Variants in TFAP2D observed in about 807,000 individuals in gnomAD.
The protein encoded by TFAP2D is transcription factor AP-2-delta.
In TFAP2D, 9 loss-of-function variants were observed where a neutral mutation model predicts 43.6. The observed-to-expected ratio is 0.21, with a 90% CI of 0.12 to 0.36. TFAP2D has a LOEUF of 0.36. Among genes scored for constraint, TFAP2D ranks in the 10% least tolerant of loss-of-function variants. TFAP2D has a pLI of 1.00. For missense variants in TFAP2D, 513 were observed against 561.4 expected, an observed-to-expected ratio of 0.91 and a Z score of 0.87; for synonymous variants, 256 against 224.9, an observed-to-expected ratio of 1.14 and a Z score of -1.24.
In TFAP2D at chr6:50,715,419, A is replaced by T; in HGVS notation, c.343A>T (p.Asn115Tyr). The T allele has an allele frequency of 1.2e-6, 2 of 1,614,076 alleles. No individual in the cohort carries two copies. The highest frequency in any genetic ancestry group is 1.7e-6 in the Non-Finnish European group (2 of 1,180,022). The change falls in exon 2 of 8, where the codon AAC becomes TAC. Residue 115 changes from asparagine (N) to tyrosine (Y), a missense_variant. Transcript: ENST00000008391. ...IHHGEPTDFINLHNARALKSS... is the reference protein window; with the variant it reads ...IHHGEPTDFIYLHNARALKSS... The stretch of plus-strand genomic sequence containing the variant: ...CCACGGGGAGCCCACCGACTTTATT[A>T]ACCTGCACAATGCGCGGGCGCTCAA...
chr6:50,730,623 A>C (rs1768873277), intron 5 of TFAP2D, among the ~76,000 whole-genome samples: 1 of 152,136 alleles, frequency 6.6e-6, no homozygotes, highest in African/African-American at 2.4e-5. Flanking sequence ...ATAACAAAAC[A>C]GTTGCTCAGG....
intron 7 of TFAP2D, among the ~76,000 whole-genome samples, chr6:50,764,081 T>C (rs1769407384): frequency 6.6e-6 from 1 of 152,178 alleles, no homozygotes; most frequent in Admixed American, 6.5e-5. Context: ...TAAAATCTTT[T>C]TTCCTCCTGC....
chr6:50,733,939 G>A (rs1283261149), intron 5 of TFAP2D, among the ~76,000 whole-genome samples: 1 of 151,642 alleles, frequency 6.6e-6, no homozygotes, highest in East Asian at 1.9e-4. Flanking sequence ...GCTGAAATTT[G>A]TTATGATAGA....
intron 7 of TFAP2D, among the ~76,000 whole-genome samples, chr6:50,763,056 A>G (rs1327833021): frequency 6.6e-6 from 1 of 151,950 alleles, no homozygotes; most frequent in Non-Finnish European, 1.5e-5. Context: ...TTGCGACACT[A>G]ATTTGCTTTT....
intron 5 of TFAP2D, among the ~76,000 whole-genome samples, chr6:50,734,226 C>T (rs1176117314): frequency 1.3e-5 from 2 of 151,940 alleles, no homozygotes; most frequent in African/African-American, 4.8e-5. Flanking sequence ...GTGCCACTTG[C>T]AAAATCTATT....
intron 5 of TFAP2D, among the ~76,000 whole-genome samples, chr6:50,738,916 C>T (rs966860944): frequency 1.3e-5 from 2 of 152,076 alleles, no homozygotes; most frequent in Non-Finnish European, 2.9e-5. Context: ...TCATAGAATC[C>T]TTACATTTTT....
At chr6:50,755,228 C>A (rs1255249098) in intron 7 of TFAP2D, among the ~76,000 whole-genome samples, 1 of 151,778 alleles carries the variant, frequency 6.6e-6, no homozygotes, top group Non-Finnish European at 1.5e-5. Context: ...CCAATTGAAA[C>A]CCAAAGTGAA....
At chr6:50,745,614 G>T (rs1194163214) in intron 6 of TFAP2D, among the ~76,000 whole-genome samples, 1 of 152,120 alleles carries the variant, frequency 6.6e-6, no homozygotes, top group African/African-American at 2.4e-5. Flanking sequence ...ATAAATGAGG[G>T]TAAAATCTCA....
intron 7 of TFAP2D, among the ~76,000 whole-genome samples, chr6:50,769,350 C>T (rs1769492098): frequency 6.6e-6 from 1 of 152,164 alleles, no homozygotes; most frequent in Admixed American, 6.5e-5. Flanking sequence ...AAATAACTTC[C>T]TCCAAATCAC....
At chr6:50,757,517 AATACAT>A (rs1769293991) in intron 7 of TFAP2D, among the ~76,000 whole-genome samples, 4 of 82,410 alleles carry the variant, frequency 4.9e-5, no homozygotes, top group African/African-American at 1.8e-4. Context: ...CTATATATAG[AATACAT>A]ATAATTATTC....
intron 6 of TFAP2D, among the ~76,000 whole-genome samples, chr6:50,749,108 T>C (rs906879413): frequency 1.3e-5 from 2 of 151,776 alleles, no homozygotes; most frequent in African/African-American, 4.8e-5. Context: ...TACAGGATTG[T>C]CATCTGTTTT....
At chr6:50,714,144 G>A (rs759665099) in intron 1 of TFAP2D, 50 bp downstream of exon 1, 2 of 1,573,482 alleles carry the variant, frequency 1.3e-6, no homozygotes, top group Admixed American at 1.9e-5. Context: ...TGTGTGTGGC[G>A]GCGGCGGCGG....
intron 7 of TFAP2D, among the ~76,000 whole-genome samples, chr6:50,760,987 T>C (rs1197380188): frequency 1.3e-5 from 2 of 151,000 alleles, no homozygotes; most frequent in African/African-American, 4.9e-5. Context: ...GATTATAGAC[T>C]GCACTTGGAC....
intron 3 of TFAP2D, among the ~76,000 whole-genome samples, chr6:50,725,420 G>A (rs1768793758): frequency 6.6e-6 from 1 of 152,158 alleles, no homozygotes; most frequent in African/African-American, 2.4e-5. Context: ...TAAAAATAGT[G>A]AACTTTGTGA....
chr6:50,757,607 T>C (rs1769296554), intron 7 of TFAP2D, among the ~76,000 whole-genome samples: 1 of 70,794 alleles, frequency 1.4e-5, no homozygotes, highest in Non-Finnish European at 2.4e-5. Context: ...ATAGAATATA[T>C]ATAATTATTC....
chr6:50,768,276 T>TC (rs1472315646), intron 7 of TFAP2D, among the ~76,000 whole-genome samples: 2 of 149,958 alleles, frequency 1.3e-5, no homozygotes, highest in East Asian at 3.9e-4. Flanking sequence ...TAATTTTCTT[T>TC]TTTTTTTTTT....
intron 5 of TFAP2D, among the ~76,000 whole-genome samples, chr6:50,741,749 A>C (rs932383771): frequency 6.6e-6 from 1 of 151,602 alleles, no homozygotes; most frequent in Non-Finnish European, 1.5e-5. Context: ...AAATAAAGGG[A>C]TAGCTTAAAG....
intron 3 of TFAP2D, among the ~76,000 whole-genome samples, chr6:50,721,730 C>A (rs951316575): frequency 6.6e-6 from 1 of 152,210 alleles, no homozygotes; most frequent in African/African-American, 2.4e-5. Context: ...TCTTTTCCAG[C>A]TCATGCTTGA....
intron 7 of TFAP2D, among the ~76,000 whole-genome samples, chr6:50,766,700 C>T (rs1581779804): frequency 1.1e-5 from 1 of 94,662 alleles, no homozygotes; most frequent in Non-Finnish European, 2.1e-5. Flanking sequence ...CTCGCTCTGT[C>T]GCCCAGGCCG....
Sources: allele counts gnomAD v4.1 joint callset (sites outside exome capture counted in the v4.1 genomes callset), GRCh38; gene constraint gnomAD v4.1.1; transcripts MANE v1.5; gene names NCBI Gene and HGNC (gene_info 2026-07-23, HGNC 2026-07-21).